KCTD1: variants seen among roughly 807,000 people sequenced by gnomAD.
The protein encoded by KCTD1 is BTB/POZ domain-containing protein KCTD1.
A neutral mutation model predicts 66.0 loss-of-function variants in KCTD1; 24 were observed. That is an observed-to-expected ratio of 0.36 (90% CI 0.26 to 0.51). The LOEUF is 0.51. Ranked by LOEUF, KCTD1 falls within the 20% of genes least tolerant of loss-of-function variation. The pLI, the probability that KCTD1 is intolerant of heterozygous loss-of-function variation, is 0.95. For synonymous variants in KCTD1, 511 were observed against 517.2 expected, an observed-to-expected ratio of 0.99 and a Z score of 0.16; for missense variants, 943 against 1,205.2, an observed-to-expected ratio of 0.78 and a Z score of 3.22.
intron 1 of KCTD1, among the ~76,000 whole-genome samples, chr18:26,514,466 C>G (rs376656415): frequency 2.7e-5 from 4 of 149,268 alleles, no homozygotes; most frequent in Non-Finnish European, 5.9e-5. Context: ...AGGAGGACTA[C>G]GTAAGCCCAG....
intron 1 of KCTD1, chr18:26,599,671 T>C: frequency 6.8e-7 from 1 of 1,479,582 alleles, no homozygotes; most frequent in Admixed American, 1.7e-5. Context: ...TCCTTCGGCC[T>C]GGTGGATGTC....
At chr18:26,495,732 C>T (rs1982437344) in intron 2 of KCTD1, among the ~76,000 whole-genome samples, 1 of 152,036 alleles carries the variant, frequency 6.6e-6, no homozygotes, top group African/African-American at 2.4e-5. Flanking sequence ...TGAGATCTCA[C>T]CTTTTACCTC....
intron 1 of KCTD1, chr18:26,600,372 C>T (rs1986863853): frequency 7.4e-6 from 8 of 1,086,494 alleles, no homozygotes; most frequent in Non-Finnish European, 1.1e-5. Context: ...CCATCTGCTC[C>T]TCCAGCCAAC....
intron 1 of KCTD1, among the ~76,000 whole-genome samples, chr18:26,531,394 T>C (rs1984428334): frequency 2.0e-5 from 3 of 152,286 alleles, no homozygotes; most frequent in African/African-American, 7.2e-5. Flanking sequence ...CAGGTTGAAA[T>C]ACTTTAAGTC....
intron 1 of KCTD1, among the ~76,000 whole-genome samples, chr18:26,646,027 T>C (rs1391103347): frequency 6.6e-6 from 1 of 152,256 alleles, no homozygotes; most frequent in East Asian, 1.9e-4. Context: ...AAGTCTTTCA[T>C]ATTAATGCTG....
intron 1 of KCTD1, among the ~76,000 whole-genome samples, chr18:26,656,715 G>T (rs1454536898): frequency 6.6e-6 from 1 of 151,482 alleles, no homozygotes; most frequent in South Asian, 2.1e-4. Flanking sequence ...AGAAGGGGGC[G>T]GCGGGGCCCC....
upstream of KCTD1, among the ~76,000 whole-genome samples, chr18:26,642,497 T>C (rs879273930): frequency 1.6e-4 from 25 of 152,356 alleles, no homozygotes; most frequent in Non-Finnish European, 2.9e-4. Context: ...TTTTTAGTTC[T>C]GCTTAGGGCT....
intron 3 of KCTD1, among the ~76,000 whole-genome samples, chr18:26,466,169 A>C (rs949221166): frequency 1.3e-5 from 2 of 152,146 alleles, no homozygotes; most frequent in Admixed American, 6.5e-5. Flanking sequence ...AGGACCTAGA[A>C]GCAATGTGTG....
chr18:26,582,340 A>G (rs1212569047), intron 1 of KCTD1, among the ~76,000 whole-genome samples: 1 of 152,142 alleles, frequency 6.6e-6, no homozygotes, highest in African/African-American at 2.4e-5. Flanking sequence ...TGGCTCCTTA[A>G]GCCTATTTAA....
chr18:26,536,327 G>A (rs974839517), intron 1 of KCTD1, among the ~76,000 whole-genome samples: 1 of 152,214 alleles, frequency 6.6e-6, no homozygotes, highest in African/African-American at 2.4e-5. Context: ...CATTTAGAGT[G>A]GCTCATATGT....
intron 1 of KCTD1, among the ~76,000 whole-genome samples, chr18:26,624,497 T>C (rs1987456140): frequency 6.6e-6 from 1 of 152,238 alleles, no homozygotes; most frequent in Non-Finnish European, 1.5e-5. Context: ...AAACTCAGGC[T>C]TCAGAGGGTG....
At chr18:26,490,499 C>T (rs574544528) in intron 2 of KCTD1, among the ~76,000 whole-genome samples, 97 of 152,264 alleles carry the variant, frequency 6.4e-4, no homozygotes, top group African/African-American at 2.2e-3. Flanking sequence ...GAATTAAAAA[C>T]GATGTAAATC....
At chr18:26,499,522 T>A (rs1304348233) in intron 2 of KCTD1, among the ~76,000 whole-genome samples, 1 of 152,238 alleles carries the variant, frequency 6.6e-6, no homozygotes, top group Non-Finnish European at 1.5e-5. Flanking sequence ...ATTTAAATCA[T>A]TTCAATTGTA....
At chr18:26,556,072 C>T (rs981145029) in intron 1 of KCTD1, among the ~76,000 whole-genome samples, 2 of 152,034 alleles carry the variant, frequency 1.3e-5, no homozygotes, top group Admixed American at 6.5e-5. Context: ...GAAGCACTAA[C>T]CCACATTTTG....
chr18:26,512,506 A>T (rs569855823), intron 1 of KCTD1, among the ~76,000 whole-genome samples: 2 of 152,182 alleles, frequency 1.3e-5, no homozygotes, highest in South Asian at 4.1e-4. Context: ...TATATAATAA[A>T]TGTGTTCATA....
chr18:26,462,682 C>T (rs543420312), intron 3 of KCTD1, among the ~76,000 whole-genome samples: 2 of 152,320 alleles, frequency 1.3e-5, no homozygotes, highest in East Asian at 1.9e-4. Context: ...GTCTAACACC[C>T]GCCTACAGTC....
At chr18:26,647,720 T>C (rs1987956671) in intron 1 of KCTD1, among the ~76,000 whole-genome samples, 1 of 152,060 alleles carries the variant, frequency 6.6e-6, no homozygotes, top group Non-Finnish European at 1.5e-5. Flanking sequence ...GAGAGACCAA[T>C]GTAGTTCATA....
chr18:26,569,295 C>T (rs1242720020), intron 1 of KCTD1, among the ~76,000 whole-genome samples: 2 of 152,152 alleles, frequency 1.3e-5, no homozygotes, highest in Admixed American at 1.3e-4. Context: ...GTGCTTATAT[C>T]CCAAATCCTG....
chr18:26,645,758 C>T (rs1165362296), intron 1 of KCTD1, among the ~76,000 whole-genome samples: 1 of 152,154 alleles, frequency 6.6e-6, no homozygotes, highest in African/African-American at 2.4e-5. Context: ...ACCCCTAAAA[C>T]AGAGGTTCTC....
Sources: allele counts gnomAD v4.1 joint callset (sites outside exome capture counted in the v4.1 genomes callset), GRCh38; gene constraint gnomAD v4.1.1; transcripts MANE v1.5; gene names NCBI Gene and HGNC (gene_info 2026-07-23, HGNC 2026-07-21).